Variants in TMEM175 observed in about 807,000 individuals in gnomAD.
TMEM175 encodes transmembrane protein 175.
TMEM175 carries 36 observed loss-of-function variants against 36.5 expected under a neutral mutation model. The ratio of observed to expected loss-of-function variants is 0.99; its 90% CI spans 0.76 to 1.30. TMEM175 has a LOEUF of 1.30. Among genes scored for constraint, TMEM175 ranks in the 50% most tolerant of loss-of-function variants. The pLI is 0.00. For synonymous variants in TMEM175, 339 were observed against 313.4 expected (o/e 1.08, Z -0.86); for missense variants, 705 against 692.8 (o/e 1.02, Z -0.20).
chr4:935,738 A>G (rs1450617196), intron 1 of TMEM175, among the ~76,000 whole-genome samples: 2 of 152,252 alleles, frequency 1.3e-5, no homozygotes, highest in East Asian at 3.8e-4. Flanking sequence ...GCATTAAAAC[A>G]TTAAGCCTGA....
intron 1 of TMEM175, among the ~76,000 whole-genome samples, chr4:933,245 A>G (rs774023330): frequency 4.6e-5 from 7 of 150,690 alleles, no homozygotes; most frequent in Non-Finnish European, 7.4e-5. Context: ...GGTGGCTTAC[A>G]CCTGTAATCC....
At chr4:947,170 C>T (rs1728275208) in intron 1 of TMEM175, among the ~76,000 whole-genome samples, 1 of 147,154 alleles carries the variant, frequency 6.8e-6, no homozygotes, top group East Asian at 2.1e-4. Context: ...GGCATACGTG[C>T]ACAGGTGCCG....
rs767127405 is a variant in TMEM175, at chr4:948,129, C to T, written c.167C>T (p.Thr56Ile). The change falls in exon 3 of 11, where the codon ACC (threonine) becomes ATC (isoleucine). Residue 56 changes from threonine to isoleucine, a missense_variant. Thr to Ile is a moderately conservative substitution (Grantham distance 89, BLOSUM62 -1). Coordinates refer to ENST00000264771, the MANE Select transcript of TMEM175 (RefSeq NM_032326.4). The part of the protein sequence containing the change: ...IIATVMILPV[T>I]HTEISPEQQF... The stretch of plus-strand genomic sequence containing the variant: ...TTGCCCCCTCAGATCCTGCCTGTGA[C>T]CCACACGGAGATCTCCCCAGAACAG... 1 of 1,614,154 alleles carries T rather than the reference C, an allele frequency of 6.2e-7. No homozygotes were observed. The highest frequency in any genetic ancestry group is 1.7e-5 in the Admixed American group (1 of 60,024).
chr4:952,380 T>A lies in TMEM175; in HGVS notation c.392T>A (p.Val131Glu). ...TTGTTTTAACAGTTTTCGTTAATGG[T>A]GACCTTCCCTGATGTGCCTCTGGGC... ...TFLPYTFSLM[V>E]TFPDVPLGIF... is the part of the protein sequence containing the mutation. The change falls in exon 7 of 11, where the codon GTG becomes GAG. Residue 131 changes from valine to glutamate, a missense_variant. Physicochemically the swap from Val to Glu is moderately radical, Grantham distance 121. Transcript: ENST00000264771. The A allele has an allele frequency of 6.2e-7, 1 of 1,612,246 alleles. No individual in the cohort carries two copies. The highest frequency in any genetic ancestry group is 8.5e-7 in the Non-Finnish European group (1 of 1,180,010).
At chr4:936,892 G>C (rs957550164) in intron 1 of TMEM175, among the ~76,000 whole-genome samples, 4 of 152,106 alleles carry the variant, frequency 2.6e-5, no homozygotes, top group Non-Finnish European at 5.9e-5. Context: ...GAGAGTCGGA[G>C]GTTGCAGTGA....
intron 1 of TMEM175, among the ~76,000 whole-genome samples, chr4:946,445 C>T (rs1180567764): frequency 2.0e-5 from 3 of 152,014 alleles, no homozygotes; most frequent in East Asian, 3.9e-4. Flanking sequence ...GCTGCCCACT[C>T]GGGTGCAGGG....
intron 8 of TMEM175, among the ~76,000 whole-genome samples, chr4:953,941 C>T (rs1000189512): frequency 2.6e-5 from 4 of 152,188 alleles, no homozygotes; most frequent in Admixed American, 6.5e-5. Flanking sequence ...CCGCCTTAGC[C>T]TCCCAAAGTG....
In TMEM175 at chr4:932,568, G is replaced by C. The variant is rs1046804090; in HGVS notation, c.-32+28G>C. 32 of 422,264 alleles carry C rather than the reference G, an allele frequency of 7.6e-5. No homozygotes were observed. The highest frequency in any genetic ancestry group is 5.8e-4 in the African/African-American group (28 of 48,400). 26.2% of individuals were successfully genotyped at this position (422,264 alleles called of 1,614,324 possible). On this transcript the variant is annotated intron_variant, in intron 1 of 10. Coordinates refer to ENST00000264771, the MANE Select transcript of TMEM175 (RefSeq NM_032326.4). The surrounding 1 kb of genome is among the most constrained non-coding windows in gnomAD (Gnocchi z 4.0). ...AGTTCAGCGCCCCAGTCCAGCTCCC[G>C]GTACCGTTCCCCACATGGTCTGTTT...
At chr4:957,707 A>G (rs950532914) in intron 10 of TMEM175, 117 bp from the exon 11 acceptor site, 7 of 999,528 alleles carry the variant, frequency 7.0e-6, no homozygotes, top group Admixed American at 2.3e-5. Flanking sequence ...GGAAGTCCAC[A>G]TGGTTCATCT....
At chr4:956,167 A>G in intron 10 of TMEM175, 1 of 712,094 alleles carries the variant, frequency 1.4e-6, no homozygotes, top group South Asian at 1.9e-5. Context: ...CCAGCAGCCA[A>G]CTGCTCTCCT....
chr4:956,574 T>G, intron 10 of TMEM175: 1 of 861,086 alleles, frequency 1.2e-6, no homozygotes, highest in South Asian at 1.6e-5. Context: ...TCCCAAGTAG[T>G]TGGGATTACA....
chr4:941,065 G>A (rs1020833266), intron 1 of TMEM175, among the ~76,000 whole-genome samples: 1 of 143,694 alleles, frequency 7.0e-6, no homozygotes. Context: ...AAAGGGGAAA[G>A]GGGGATGTGA....
At chr4:938,937 G>T (rs1390611539) in intron 1 of TMEM175, among the ~76,000 whole-genome samples, 1 of 152,186 alleles carries the variant, frequency 6.6e-6, no homozygotes, top group Non-Finnish European at 1.5e-5. Context: ...ATACAAGATT[G>T]AACAAGGACA....
At chr4:956,746 C>T (rs568234610) in intron 10 of TMEM175, 9 of 318,680 alleles carry the variant, frequency 2.8e-5, no homozygotes, top group Admixed American at 9.7e-5. Context: ...GCCCGGCCAT[C>T]GTAATGTTTG....
At chr4:943,166 A>C (rs74439839) in intron 1 of TMEM175, among the ~76,000 whole-genome samples, 3,748 of 152,034 alleles carry the variant, frequency 0.025, 133 homozygotes, top group African/African-American at 0.084. Flanking sequence ...TAGTCAGTAG[A>C]GAAATAGCAG....
rs778225117 is a variant in TMEM175, at chr4:958,494, T to C, written c.1513T>C (p.Ter505GlnextTer?). Reference protein sequence around the residue: ...PQSQLLPAPC* With the variant: ...PQSQLLPAPCQ ...GTCCCAGCTCCTCCCTGCCCCCTGCTAGCAGCCACAGAGCCCACTCCCAGC... is the reference window on the plus strand; with the variant it reads ...GTCCCAGCTCCTCCCTGCCCCCTGCCAGCAGCCACAGAGCCCACTCCCAGC... Residue 505 changes from the stop codon to glutamine, a stop_lost, in exon 11 of 11, where the codon TAG becomes CAG. Coordinates refer to ENST00000264771, the MANE Select transcript of TMEM175 (RefSeq NM_032326.4). The C allele has an allele frequency of 3.3e-6, 5 of 1,520,382 alleles. No individual in the cohort carries two copies. In the East Asian group the frequency reaches 1.2e-4, roughly 36 times the overall value. 94.2% of individuals were successfully genotyped at this position (1,520,382 alleles called of 1,614,324 possible). A position where few individuals can be genotyped will look rare whatever the true frequency, so the allele number is the denominator to read the frequency against.
chr4:947,439 T>C (rs1728323990), intron 1 of TMEM175, among the ~76,000 whole-genome samples: 1 of 152,170 alleles, frequency 6.6e-6, no homozygotes, highest in Admixed American at 6.5e-5. Context: ...GTCTCTCCCG[T>C]TTCCTGAGGA....
At chr4:933,944 A>G (rs1726471138) in intron 1 of TMEM175, among the ~76,000 whole-genome samples, 3 of 152,282 alleles carry the variant, frequency 2.0e-5, no homozygotes, top group African/African-American at 7.2e-5. Flanking sequence ...ATTGCTTACA[A>G]CACCCTTTTC....
chr4:948,179 G>A (rs200477379), intron 3 of TMEM175, 25 bp downstream of exon 3: 25 of 1,613,982 alleles, frequency 1.5e-5, no homozygotes, highest in Middle Eastern at 1.6e-4. Context: ...TGTGCTCTGC[G>A]TGGTGTGGCC....
Sources: gnomAD v4.1 joint callset for allele counts (sites outside exome capture counted in the v4.1 genomes callset) on GRCh38, gnomAD v4.1.1 for gene constraint, Gnocchi (gnomAD v3.1) non-coding constraint, MANE v1.5 for transcripts, NCBI Gene and HGNC (gene_info 2026-07-23, HGNC 2026-07-21) for gene names.